LSAMP: variants seen among roughly 807,000 people sequenced by gnomAD.
The protein encoded by LSAMP is limbic system associated membrane protein.
Under a neutral mutation model 38.6 loss-of-function variants are expected in LSAMP, and 7 were observed. That is an observed-to-expected ratio of 0.18 (90% confidence interval 0.10 to 0.34). LSAMP has a LOEUF of 0.34. Ranked by LOEUF, LSAMP falls within the 10% of genes least tolerant of loss-of-function variation. The pLI, the probability that LSAMP is intolerant of heterozygous loss-of-function variation, is 1.00. For missense variants in LSAMP, 313 were observed against 420.0 expected, an observed-to-expected ratio of 0.75 and a Z score of 2.23; for synonymous variants, 154 against 166.8, an observed-to-expected ratio of 0.92 and a Z score of 0.59.
intron 3 of LSAMP, among the ~76,000 whole-genome samples, chr3:115,915,390 G>T (rs1317755828): frequency 6.6e-6 from 1 of 152,186 alleles, no homozygotes; most frequent in African/African-American, 2.4e-5. Context: ...GAATTTTTCT[G>T]CTGGAAAAGA....
rs2107436564 is a variant in LSAMP at position 115,805,368 on chromosome 3, G to GTTTCTATTTA, written c.*4948_*4949insTAAATAGAAA. The GTTTCTATTTA allele has an allele frequency of 6.6e-6, 1 of 152,208 alleles. No individual in the cohort carries two copies. Among genetic ancestry groups the GTTTCTATTTA allele is most frequent in the South Asian group, 2.1e-4 (1 of 4,830 alleles). The allele number at this position is 152,208 out of a possible 1,614,324, so 9.4% of individuals were successfully genotyped here. ...CGATTCTGAACTGTGAAACGTTTCA[G>GTTTCTATTTA]TTTTTATTTATTTTTATTTGATTTT... is the stretch of plus-strand genomic sequence containing the variant. On this transcript the variant is annotated 3_prime_UTR_variant, in exon 7 of 7. Coordinates refer to ENST00000490035, the MANE Select transcript of LSAMP (RefSeq NM_002338.5).
chr3:115,878,538 G>A (rs111436635), intron 3 of LSAMP, among the ~76,000 whole-genome samples: 2 of 136,878 alleles, frequency 1.5e-5, no homozygotes, highest in Non-Finnish European at 1.5e-5. Context: ...CTCAGCTCAC[G>A]GCAACCTCCG....
chr3:116,408,854 G>A (rs1396457905), intron 1 of LSAMP, among the ~76,000 whole-genome samples: 1 of 151,976 alleles, frequency 6.6e-6, no homozygotes, highest in Non-Finnish European at 1.5e-5. Context: ...ACCCTTCTTT[G>A]CTTTAGTTGT....
rs114235444 is a variant in LSAMP at position 116,325,741 on chromosome 3, G to A, written c.155+119136C>T. Among the ~76,000 whole-genome samples, 1,259 of 152,156 alleles carry A rather than the reference G, an allele frequency of 8.3e-3. 22 individuals carry two copies. The highest frequency in any genetic ancestry group is 0.029 in the African/African-American group (1,186 of 41,494). ...TTTTAGGGTTTAAGTAACATCATTT[G>A]CCTCTGAGCTGAAGGTGTGAAAAAA... On this transcript the variant is annotated intron_variant, in intron 1 of 6. Coordinates refer to ENST00000490035, the MANE Select transcript of LSAMP (RefSeq NM_002338.5).
intron 1 of LSAMP, among the ~76,000 whole-genome samples, chr3:116,357,088 C>T (rs954716495): frequency 1.3e-5 from 2 of 152,128 alleles, no homozygotes; most frequent in Admixed American, 1.3e-4. Flanking sequence ...CCATCGCGCC[C>T]GGCTAGGAAG....
rs182030318 is a variant in LSAMP at position 116,229,410 on chromosome 3, C to A, written c.156-142854G>T. On this transcript the variant is annotated intron_variant, in intron 1 of 6. Coordinates refer to ENST00000490035, the MANE Select transcript of LSAMP (RefSeq NM_002338.5). ...CTAGTGGATATCATTAAGTTGAATT[C>A]TTGAAGATGAATAGATACAGGCAAT... is the stretch of plus-strand genomic sequence containing the variant. Among the ~76,000 whole-genome samples, 14 of 152,156 alleles carry A rather than the reference C, an allele frequency of 9.2e-5. No homozygotes were observed. The East Asian group carries it at 2.7e-3, about 29-fold the overall frequency.
intron 1 of LSAMP, among the ~76,000 whole-genome samples, chr3:116,146,764 G>C (rs1559759840): frequency 6.6e-6 from 1 of 152,002 alleles, no homozygotes; most frequent in East Asian, 1.9e-4. Context: ...GGTTAGGACT[G>C]TTCTGTGTGG....
chr3:116,045,231 CT>C (rs1941264698), intron 2 of LSAMP, among the ~76,000 whole-genome samples: 1 of 152,178 alleles, frequency 6.6e-6, no homozygotes, highest in Admixed American at 6.5e-5. Flanking sequence ...AATTTAACTA[CT>C]TTCTTCAAGT....
intron 3 of LSAMP, among the ~76,000 whole-genome samples, chr3:115,874,977 T>C (rs1043578099): frequency 6.6e-6 from 1 of 152,154 alleles, no homozygotes; most frequent in Non-Finnish European, 1.5e-5. Context: ...TAGCTGTTAT[T>C]TACCTAAGGC....
chr3:116,160,089 G>A (rs1709847360), intron 1 of LSAMP, among the ~76,000 whole-genome samples: 1 of 152,046 alleles, frequency 6.6e-6, no homozygotes, highest in East Asian at 1.9e-4. Context: ...GGTAGAGGGT[G>A]GGAGAAATGT....
At chr3:116,040,708 T>C (rs1941149988) in intron 2 of LSAMP, among the ~76,000 whole-genome samples, 1 of 152,156 alleles carries the variant, frequency 6.6e-6, no homozygotes, top group Non-Finnish European at 1.5e-5. Context: ...AAACCTGAAG[T>C]GGCTAGAGTA....
intron 3 of LSAMP, among the ~76,000 whole-genome samples, chr3:115,979,422 T>C (rs4240163): frequency 0.41 from 62,204 of 151,966 alleles, 13,358 homozygotes; most frequent in African/African-American, 0.55. Flanking sequence ...ACTTTTATTA[T>C]ATCCATTATG....
intron 1 of LSAMP, among the ~76,000 whole-genome samples, chr3:116,157,994 A>C (rs1209396696): frequency 6.6e-6 from 1 of 152,190 alleles, no homozygotes; most frequent in Non-Finnish European, 1.5e-5. Context: ...GCACATCAAA[A>C]GATTAATCCA....
At chr3:116,061,862 G>A (rs1576340165) in intron 2 of LSAMP, among the ~76,000 whole-genome samples, 4 of 152,044 alleles carry the variant, frequency 2.6e-5, no homozygotes, top group East Asian at 3.9e-4. Context: ...GTAATTTTTA[G>A]GCAGCAAGGT....
chr3:116,087,315 C>T (rs892827825), intron 1 of LSAMP, among the ~76,000 whole-genome samples: 11 of 152,134 alleles, frequency 7.2e-5, no homozygotes, highest in East Asian at 1.9e-4. Flanking sequence ...AAAGGAATAA[C>T]GCTTAATTGA....
intron 1 of LSAMP, among the ~76,000 whole-genome samples, chr3:116,160,707 C>A (rs186456243): frequency 4.6e-5 from 7 of 152,218 alleles, no homozygotes; most frequent in African/African-American, 1.7e-4. Flanking sequence ...TATTTGGCAA[C>A]ACTTGATGAC....
In LSAMP at chr3:115,807,713, C is replaced by G. The variant is rs917236058; in HGVS notation, c.*2604G>C. The G allele has an allele frequency of 6.6e-6, 1 of 152,140 alleles. No individual in the cohort carries two copies. The highest frequency in any genetic ancestry group is 2.4e-5 in the African/African-American group (1 of 41,432). The allele number at this position is 152,140 out of a possible 1,614,324, so 9.4% of individuals were successfully genotyped here. On this transcript the variant is annotated 3_prime_UTR_variant, in exon 7 of 7. Transcript: ENST00000490035. ...GCCACACACTTAAGTGTGTGACTGC[C>G]TCTTCAATTTTTGGGGAATGCTTAT...
At chr3:116,131,689 T>G (rs557038525) in intron 1 of LSAMP, among the ~76,000 whole-genome samples, 1 of 152,280 alleles carries the variant, frequency 6.6e-6, no homozygotes, top group Admixed American at 6.5e-5. Context: ...CCAATAATCT[T>G]CCTCGTTGCT....
intron 2 of LSAMP, among the ~76,000 whole-genome samples, chr3:116,078,043 G>A (rs930016258): frequency 6.6e-6 from 1 of 152,172 alleles, no homozygotes; most frequent in Non-Finnish European, 1.5e-5. Context: ...TATTGTGTCA[G>A]TTAGGTTGTA....
Sources: gnomAD v4.1 joint callset for allele counts (sites outside exome capture counted in the v4.1 genomes callset) on GRCh38, gnomAD v4.1.1 for gene constraint, MANE v1.5 for transcripts, NCBI Gene and HGNC (gene_info 2026-07-23, HGNC 2026-07-21) for gene names.